POLR2F: variants seen among roughly 807,000 people sequenced by gnomAD.
POLR2F encodes the protein RNA polymerase II, I and III subunit F.
POLR2F carries 12 observed loss-of-function variants against 22.7 expected under a neutral mutation model. That is an observed-to-expected ratio of 0.53 (90% CI 0.34 to 0.86). The LOEUF is 0.86. Among genes scored for constraint, POLR2F ranks in the 40% least tolerant of loss-of-function variants. The probability of loss-of-function intolerance (pLI) is 0.02; values close to 1 mark genes in which losing one functional copy is unlikely to be tolerated. For synonymous variants in POLR2F, 57 were observed against 66.0 expected (o/e 0.86, Z 0.66); for missense variants, 126 against 171.5 (o/e 0.73, Z 1.48).
At chr22:37,959,279 T>C (rs762897756) in intron 2 of POLR2F, 67 bp from the exon 3 acceptor site, 2 of 1,536,800 alleles carry the variant, frequency 1.3e-6, no homozygotes, top group Non-Finnish European at 1.8e-6. Flanking sequence ...ATTGTTGTCA[T>C]TATCACTCTC....
At chr22:37,973,593 G>A (rs1932125652), downstream of POLR2F, 1 of 1,613,112 alleles carries the variant, frequency 6.2e-7, no homozygotes. Flanking sequence ...GCCGTGTAGA[G>A]GGGCCGCTGC....
downstream of POLR2F, among the ~76,000 whole-genome samples, chr22:37,971,659 G>T (rs1393361992): frequency 6.6e-6 from 1 of 152,130 alleles, no homozygotes; most frequent in African/African-American, 2.4e-5. Flanking sequence ...TGCTGTGTGT[G>T]TGCTGGGGGA....
intron 1 of POLR2F, among the ~76,000 whole-genome samples, chr22:38,014,888 A>C (rs1408964518): frequency 6.7e-6 from 1 of 149,234 alleles, no homozygotes; most frequent in Non-Finnish European, 1.5e-5. Context: ...GCTAACTGCA[A>C]GCTCTGCCTC....
chr22:38,007,927 C>G lies in POLR2F; in HGVS notation c.121-17942C>G, dbSNP rs1017432550. Among the ~76,000 whole-genome samples, 3 of 152,212 alleles carry G rather than the reference C, an allele frequency of 2.0e-5. No individual in the cohort carries two copies. The East Asian group carries it at 5.8e-4, about 29-fold the overall frequency. On this transcript the variant is annotated intron_variant, in intron 1 of 2. Coordinates refer to the POLR2F transcript ENST00000333418. ...TCAGAGCTCTGCCACGGCAGGCCCC[C>G]TTTAGCTCCTCTGTTGCTTTACAAT...
chr22:37,960,131 C>T (rs746374014), intron 3 of POLR2F, among the ~76,000 whole-genome samples: 7 of 151,772 alleles, frequency 4.6e-5, no homozygotes, highest in Non-Finnish European at 8.8e-5. Flanking sequence ...TTTTATTTTC[C>T]GAGTCAAGAT....
chr22:38,030,239 CT>C (rs1042000353), downstream of POLR2F, among the ~76,000 whole-genome samples: 1 of 152,162 alleles, frequency 6.6e-6, no homozygotes, highest in Non-Finnish European at 1.5e-5. Context: ...GGGCTGGGAG[CT>C]TGAGAGAACC....
intron 3 of POLR2F, among the ~76,000 whole-genome samples, chr22:37,965,712 A>G (rs1931827836): frequency 6.6e-6 from 1 of 152,212 alleles, no homozygotes; most frequent in Admixed American, 6.5e-5. Flanking sequence ...ATTTAGTAAT[A>G]AAATTAGTAA....
At chr22:37,963,101 C>G (rs1931714107) in intron 3 of POLR2F, among the ~76,000 whole-genome samples, 2 of 152,020 alleles carry the variant, frequency 1.3e-5, no homozygotes, top group African/African-American at 4.8e-5. Context: ...ATTCTCCAAC[C>G]TGAGCTTCCC....
intron 1 of POLR2F, among the ~76,000 whole-genome samples, chr22:38,003,361 G>A (rs1390895328): frequency 6.6e-6 from 1 of 152,118 alleles, no homozygotes; most frequent in African/African-American, 2.4e-5. Flanking sequence ...TGAGTAGCTG[G>A]AATTACAGGT....
At chr22:38,004,450 G>A (rs994878646) in intron 1 of POLR2F, among the ~76,000 whole-genome samples, 18 of 152,328 alleles carry the variant, frequency 1.2e-4, no homozygotes, top group African/African-American at 4.3e-4. Flanking sequence ...AGCGCTCACT[G>A]TGGGCCAGGT....
chr22:38,001,992 T>C (rs764263846), intron 1 of POLR2F, among the ~76,000 whole-genome samples: 7 of 151,618 alleles, frequency 4.6e-5, no homozygotes, highest in Admixed American at 2.0e-4. Flanking sequence ...CATGCCTGTA[T>C]TTTGTAAAAA....
downstream of POLR2F, among the ~76,000 whole-genome samples, chr22:38,026,982 G>GGGAGGGGCGTGCAT (rs2085018042): frequency 6.6e-6 from 1 of 152,176 alleles, no homozygotes; most frequent in South Asian, 2.1e-4. Context: ...TGGATGGACG[G>GGGAGGGGCGTGCAT]GGAGGGGCGT....
chr22:37,959,564 A>G lies in POLR2F; in HGVS notation c.221+88A>G, dbSNP rs962454151. 4.0e-5 allele frequency: 58 copies of G among 1,434,928 alleles called. No homozygotes were observed. In the African/African-American group the frequency reaches 6.4e-4, roughly 16 times the overall value. 88.9% of individuals were successfully genotyped at this position (1,434,928 alleles called of 1,614,324 possible). ...TGATCTTTCCCAGCCTGGCACCTGAAAACAGACTCTCTGCTCTCACATTCC... is the reference window on the plus strand; with the variant it reads ...TGATCTTTCCCAGCCTGGCACCTGAGAACAGACTCTCTGCTCTCACATTCC... On this transcript the variant is annotated intron_variant, in intron 3 of 4. Coordinates refer to ENST00000442738, the MANE Select transcript of POLR2F (RefSeq NM_021974.5).
At chr22:38,010,251 T>G (rs2084859188) in intron 1 of POLR2F, among the ~76,000 whole-genome samples, 1 of 152,026 alleles carries the variant, frequency 6.6e-6, no homozygotes, top group African/African-American at 2.4e-5. Flanking sequence ...AGTGCACACC[T>G]GTAGTCCCAG....
In POLR2F at chr22:37,978,818, C is replaced by A. The variant is rs1272543563; in HGVS notation, c.293+11648C>A. Among the ~76,000 whole-genome samples the A allele has an allele frequency of 6.6e-6, 1 of 152,092 alleles. No individual in the cohort carries two copies. Among genetic ancestry groups the A allele is most frequent in the Non-Finnish European group, 1.5e-5 (1 of 68,026 alleles). ...CTGTGAGGGAATCTCACTCTGTCAC[C>A]CATGCTAGAGCTCAGTGGTATGATC... On this transcript the variant is annotated intron_variant, in intron 4 of 4. Coordinates refer to the POLR2F transcript ENST00000405557. This position sits in a 1 kb window ranked among gnomAD's most constrained non-coding sequence, Gnocchi z 5.0.
At chr22:37,987,288 C>CTTTTGTTA (rs1435868916) in intron 1 of POLR2F, 1 of 456,692 alleles carries the variant, frequency 2.2e-6, no homozygotes, top group Admixed American at 2.3e-5. Context: ...TTTGTTAAGG[C>CTTTTGTTA]AGGTCCCGGA....
At chr22:38,022,885 C>T (rs1038973801) in intron 1 of POLR2F, among the ~76,000 whole-genome samples, 2 of 152,072 alleles carry the variant, frequency 1.3e-5, no homozygotes, top group Non-Finnish European at 2.9e-5. Flanking sequence ...ATGGTGGGCA[C>T]CTGTAATCCC....
At chr22:38,024,691 C>G (rs895740381) in intron 1 of POLR2F, among the ~76,000 whole-genome samples, 2 of 152,034 alleles carry the variant, frequency 1.3e-5, no homozygotes, top group East Asian at 3.9e-4. Flanking sequence ...TGCGGAGGGT[C>G]AAGGGAAGGT....
chr22:37,984,188 T>G (rs1932499430), upstream of POLR2F: 1 of 157,846 alleles, frequency 6.3e-6, no homozygotes, highest in African/African-American at 2.4e-5. This position sits in a 1 kb window ranked among gnomAD's most constrained non-coding sequence, Gnocchi z 4.4. Context: ...ATTTCCCACC[T>G]TTTCTCTCAC....
Sources: allele counts gnomAD v4.1 joint callset (sites outside exome capture counted in the v4.1 genomes callset), GRCh38; gene constraint gnomAD v4.1.1; non-coding constraint Gnocchi (gnomAD v3.1); transcripts MANE v1.5; gene names NCBI Gene and HGNC (gene_info 2026-07-23, HGNC 2026-07-21).